The following GNAO1 variants were observed in gnomAD, a reference collection of about 807,000 sequenced individuals.
GNAO1 encodes guanine nucleotide-binding protein G(o) subunit alpha.
For synonymous variants in GNAO1, 164 were observed against 180.7 expected (o/e 0.91, Z 0.74); for missense variants, 166 against 478.7 (o/e 0.35, Z 6.10).
chr16:56,211,669 T>G (rs572060922), intron 2 of GNAO1, among the ~76,000 whole-genome samples: 1 of 152,318 alleles, frequency 6.6e-6, no homozygotes, highest in East Asian at 1.9e-4. Context: ...GGGCATCTTG[T>G]TTCAGTCGCG....
At chr16:56,323,039 A>G (rs2037592151) in intron 3 of GNAO1, among the ~76,000 whole-genome samples, 1 of 152,162 alleles carries the variant, frequency 6.6e-6, no homozygotes, top group Admixed American at 6.5e-5. Context: ...CTGTGGGAGC[A>G]GGGAGGTGGG....
intron 6 of GNAO1, among the ~76,000 whole-genome samples, chr16:56,337,487 G>T (rs1316052650): frequency 2.0e-5 from 3 of 152,206 alleles, no homozygotes; most frequent in African/African-American, 7.2e-5. Context: ...CTTCTGTCTT[G>T]CGTCACATTC....
At chr16:56,273,113 T>C (rs963292052) in intron 2 of GNAO1, among the ~76,000 whole-genome samples, 1 of 152,252 alleles carries the variant, frequency 6.6e-6, no homozygotes, top group Non-Finnish European at 1.5e-5. Context: ...TTTTTTCACA[T>C]ACAAGAATCT....
At chr16:56,196,224 A>C (rs1303753334) in intron 2 of GNAO1, among the ~76,000 whole-genome samples, 2 of 152,138 alleles carry the variant, frequency 1.3e-5, no homozygotes. Context: ...AGAAATAAAC[A>C]GTGATAATTG....
At chr16:56,338,644 C>T (rs2037766919) in intron 6 of GNAO1, among the ~76,000 whole-genome samples, 2 of 152,388 alleles carry the variant, frequency 1.3e-5, no homozygotes, top group South Asian at 4.1e-4. Context: ...TCTCCCTGGA[C>T]CTGCCCTGCC....
At chr16:56,310,148 CAAAAAAAAGAAAGAA>C (rs1236556209) in intron 3 of GNAO1, among the ~76,000 whole-genome samples, 2 of 147,910 alleles carry the variant, frequency 1.4e-5, no homozygotes, top group Non-Finnish European at 3.0e-5. Flanking sequence ...TTCTAAAAAA[CAAAAAAAAGAAAGAA>C]AAAAAAAAGA....
At chr16:56,243,267 C>T (rs2036711626) in intron 2 of GNAO1, among the ~76,000 whole-genome samples, 2 of 151,990 alleles carry the variant, frequency 1.3e-5, no homozygotes, top group African/African-American at 4.8e-5. Context: ...ATCCTGAAAC[C>T]ACTCCATCCC....
intron 3 of GNAO1, among the ~76,000 whole-genome samples, chr16:56,282,823 C>T (rs757120623): frequency 2.0e-5 from 3 of 152,220 alleles, no homozygotes; most frequent in African/African-American, 7.2e-5. Flanking sequence ...TCCAGAGATT[C>T]TGTGATATGC....
intron 3 of GNAO1, among the ~76,000 whole-genome samples, chr16:56,318,677 C>T (rs2037539450): frequency 6.6e-6 from 1 of 152,214 alleles, no homozygotes; most frequent in East Asian, 1.9e-4. Context: ...TCCAAAGCAG[C>T]TCCTCAAATG....
At chr16:56,218,296 G>GA (rs1215096173) in intron 2 of GNAO1, among the ~76,000 whole-genome samples, 4 of 152,192 alleles carry the variant, frequency 2.6e-5, no homozygotes, top group Admixed American at 1.3e-4. Context: ...ACAAAGAGGT[G>GA]AGTTGTATCT....
intron 3 of GNAO1, among the ~76,000 whole-genome samples, chr16:56,317,461 A>T: frequency 6.6e-6 from 1 of 152,256 alleles, no homozygotes; most frequent in East Asian, 1.9e-4. Context: ...ATGGATACAT[A>T]GTAGATGGGT....
chr16:56,207,946 C>T (rs529893722), intron 2 of GNAO1, among the ~76,000 whole-genome samples: 1 of 152,310 alleles, frequency 6.6e-6, no homozygotes, highest in African/African-American at 2.4e-5. Flanking sequence ...AAGAATGTCC[C>T]TAAATATCCC....
At chr16:56,202,573 C>T (rs907145753) in intron 2 of GNAO1, among the ~76,000 whole-genome samples, 17 of 152,308 alleles carry the variant, frequency 1.1e-4, no homozygotes, top group Non-Finnish European at 2.1e-4. Flanking sequence ...AACACAACCC[C>T]TTAGGGGATG....
At chr16:56,328,472 A>G (rs2037657199) in intron 3 of GNAO1, among the ~76,000 whole-genome samples, 159 bp from the exon 4 acceptor site, 1 of 152,194 alleles carries the variant, frequency 6.6e-6, no homozygotes, top group East Asian at 1.9e-4. Context: ...GTGCATGCTC[A>G]GGTCGTGGCC....
At position 56,227,775 on chromosome 16, in the gene GNAO1, T is replaced by G. The variant is rs575996365; in HGVS notation, c.161+35159T>G. 1.9e-4 allele frequency among the ~76,000 whole-genome samples: 29 copies of G among 152,088 alleles called. No individual in the cohort carries two copies. The South Asian group carries it at 4.8e-3, about 25-fold the overall frequency. On this transcript the variant is annotated intron_variant, in intron 2 of 8. Transcript: ENST00000262493. ...ATCCCACCTCTTTCCCTGGCTTTAT[T>G]GGTATTATTTTCCCTGGTATTATTG...
At chr16:56,333,311 G>A (rs1285840859) in intron 4 of GNAO1, among the ~76,000 whole-genome samples, 7 of 150,980 alleles carry the variant, frequency 4.6e-5, no homozygotes, top group Non-Finnish European at 1.0e-4. Flanking sequence ...CTCCTGGGTT[G>A]AAGCGATTCT....
intron 3 of GNAO1, among the ~76,000 whole-genome samples, chr16:56,309,689 G>T (rs528146028): frequency 2.0e-5 from 3 of 152,176 alleles, no homozygotes; most frequent in Non-Finnish European, 4.4e-5. Flanking sequence ...AGAGGGAGGT[G>T]AAGTGACCTG....
intron 3 of GNAO1, among the ~76,000 whole-genome samples, chr16:56,316,611 C>T (rs550884699): frequency 9.2e-4 from 140 of 152,282 alleles, no homozygotes; most frequent in African/African-American, 3.0e-3. Context: ...CCTCACCTCC[C>T]GAGAAGCCCC....
At chr16:56,268,169 A>G (rs189196176) in intron 2 of GNAO1, among the ~76,000 whole-genome samples, 19 of 152,218 alleles carry the variant, frequency 1.2e-4, no homozygotes, top group African/African-American at 3.4e-4. Context: ...GAAAATGACT[A>G]TTTCTGTGTG....
Sources: allele counts gnomAD v4.1 joint callset (sites outside exome capture counted in the v4.1 genomes callset), GRCh38; gene constraint gnomAD v4.1.1; transcripts MANE v1.5; gene names NCBI Gene and HGNC (gene_info 2026-07-23, HGNC 2026-07-21).